SOCS5: variants seen among roughly 807,000 people sequenced by gnomAD.
The protein encoded by SOCS5 is CIS-6.
Under a neutral mutation model 42.8 loss-of-function variants are expected in SOCS5, and 32 were observed. The ratio of observed to expected loss-of-function variants is 0.75; its 90% CI spans 0.56 to 1.01. The LOEUF (loss-of-function observed/expected upper bound fraction) is 1.01, where lower values mean the gene tolerates loss of function less well. SOCS5 is among the 50% of genes least tolerant of loss of function. SOCS5 has a pLI of 0.00. For synonymous variants in SOCS5, 283 were observed against 229.6 expected, an observed-to-expected ratio of 1.23 and a Z score of -2.10; for missense variants, 627 against 653.0, an observed-to-expected ratio of 0.96 and a Z score of 0.43.
intron 1 of SOCS5, among the ~76,000 whole-genome samples, chr2:46,729,698 G>A (rs970921533): frequency 6.6e-6 from 1 of 152,224 alleles, no homozygotes; most frequent in African/African-American, 2.4e-5. Flanking sequence ...TGAGTGGTGT[G>A]TGAATGTGAA....
intron 1 of SOCS5, among the ~76,000 whole-genome samples, chr2:46,728,894 G>C (rs1020976974): frequency 6.6e-6 from 1 of 152,074 alleles, no homozygotes; most frequent in African/African-American, 2.4e-5. Context: ...TTTTCCATTT[G>C]CCTCTAAGCC....
At chr2:46,721,386 A>G (rs1052257983) in intron 1 of SOCS5, among the ~76,000 whole-genome samples, 16 of 152,264 alleles carry the variant, frequency 1.1e-4, no homozygotes, top group African/African-American at 3.9e-4. Context: ...TATTTTAAGC[A>G]TTCAATAATT....
chr2:46,741,930 T>G (rs1429003181), intron 1 of SOCS5, among the ~76,000 whole-genome samples: 1 of 152,238 alleles, frequency 6.6e-6, no homozygotes, highest in East Asian at 1.9e-4. Context: ...TAGAAAGATG[T>G]GCATAGTTTT....
intron 1 of SOCS5, among the ~76,000 whole-genome samples, chr2:46,737,240 T>G (rs937545141): frequency 2.5e-4 from 38 of 152,064 alleles, no homozygotes; most frequent in African/African-American, 8.9e-4. Context: ...ATTTTAAGAG[T>G]CTCTTAATTA....
At chr2:46,746,922 CT>C (rs11373537) in intron 1 of SOCS5, among the ~76,000 whole-genome samples, 1,217 of 70,732 alleles carry the variant, frequency 0.017, 2 homozygotes, top group African/African-American at 0.041. Flanking sequence ...GACTTTATTT[CT>C]TTTTTTTTTT....
chr2:46,713,138 T>A (rs41489247), intron 1 of SOCS5, among the ~76,000 whole-genome samples: 1 of 152,228 alleles, frequency 6.6e-6, no homozygotes, highest in African/African-American at 2.4e-5. Context: ...GAAGGATCAC[T>A]TGAGCCCAGA....
At chr2:46,749,700 C>G (rs1266497039) in intron 1 of SOCS5, among the ~76,000 whole-genome samples, 1 of 152,110 alleles carries the variant, frequency 6.6e-6, no homozygotes, top group East Asian at 1.9e-4. Flanking sequence ...GTTCCCGGAC[C>G]TTACCCAGTA....
chr2:46,701,435 C>T (rs1672341620), intron 1 of SOCS5, among the ~76,000 whole-genome samples: 1 of 152,140 alleles, frequency 6.6e-6, no homozygotes. Flanking sequence ...ATTAGGAAAC[C>T]AAGGCCCAGA....
intron 1 of SOCS5, among the ~76,000 whole-genome samples, chr2:46,734,941 T>G (rs575978927): frequency 6.6e-6 from 1 of 152,332 alleles, no homozygotes; most frequent in African/African-American, 2.4e-5. Flanking sequence ...TTTCCATCTT[T>G]TGGAGAGCCA....
At chr2:46,721,500 C>G (rs1472514585) in intron 1 of SOCS5, among the ~76,000 whole-genome samples, 1 of 152,142 alleles carries the variant, frequency 6.6e-6, no homozygotes, top group East Asian at 1.9e-4. Context: ...CTACTTAAAG[C>G]TCATATCCTC....
chr2:46,703,522 C>G (rs1352832408), intron 1 of SOCS5, among the ~76,000 whole-genome samples: 1 of 152,134 alleles, frequency 6.6e-6, no homozygotes, highest in Non-Finnish European at 1.5e-5. Context: ...CTCTTCAAGT[C>G]TATTACATAA....
At chr2:46,743,783 A>G (rs904707103) in intron 1 of SOCS5, among the ~76,000 whole-genome samples, 3 of 152,172 alleles carry the variant, frequency 2.0e-5, no homozygotes, top group African/African-American at 7.2e-5. Context: ...GGGCATCTCC[A>G]AATATGTCTG....
intron 1 of SOCS5, among the ~76,000 whole-genome samples, chr2:46,732,474 C>T (rs927293258): frequency 3.0e-4 from 45 of 152,302 alleles, no homozygotes; most frequent in African/African-American, 1.1e-3. Flanking sequence ...CAGAAAACTC[C>T]TATGTAGTTT....
intron 1 of SOCS5, among the ~76,000 whole-genome samples, chr2:46,711,036 A>G (rs542814288): frequency 6.6e-6 from 1 of 152,356 alleles, no homozygotes; most frequent in Admixed American, 6.5e-5. Context: ...GTAGAGTAGT[A>G]TTCCATTATA....
intron 1 of SOCS5, among the ~76,000 whole-genome samples, chr2:46,729,024 G>A (rs1379630505): frequency 6.6e-6 from 1 of 152,144 alleles, no homozygotes; most frequent in East Asian, 1.9e-4. Context: ...CTGGGAGTGA[G>A]ACCCCATAAT....
chr2:46,732,058 G>A (rs1486408147), intron 1 of SOCS5, among the ~76,000 whole-genome samples: 1 of 152,142 alleles, frequency 6.6e-6, no homozygotes, highest in Non-Finnish European at 1.5e-5. Context: ...AGATGTTTGA[G>A]GTATATGTGT....
chr2:46,733,977 A>G (rs1673186180), intron 1 of SOCS5, among the ~76,000 whole-genome samples: 1 of 152,260 alleles, frequency 6.6e-6, no homozygotes, highest in Non-Finnish European at 1.5e-5. Context: ...CTATTTATTA[A>G]AAGACTGAAA....
chr2:46,743,227 C>T (rs369852115), intron 1 of SOCS5, among the ~76,000 whole-genome samples: 1 of 151,958 alleles, frequency 6.6e-6, no homozygotes, highest in African/African-American at 2.4e-5. Flanking sequence ...GAGTCTTGCG[C>T]AAGAAAGAAT....
intron 1 of SOCS5, among the ~76,000 whole-genome samples, chr2:46,707,118 G>A (rs1412097348): frequency 6.6e-6 from 1 of 152,132 alleles, no homozygotes; most frequent in Admixed American, 6.5e-5. Context: ...AGGAGAAGTG[G>A]GGAAGGGAGG....
Sources: allele counts gnomAD v4.1 joint callset (sites outside exome capture counted in the v4.1 genomes callset), GRCh38; gene constraint gnomAD v4.1.1; transcripts MANE v1.5; gene names NCBI Gene and HGNC (gene_info 2026-07-23, HGNC 2026-07-21).